IGSF23: variants seen among roughly 807,000 people sequenced by gnomAD.
IGSF23 encodes the protein immunoglobulin superfamily, member 23.
A neutral mutation model predicts 17.8 loss-of-function variants in IGSF23; 14 were observed. The ratio of observed to expected loss-of-function variants is 0.79; its 90% CI spans 0.52 to 1.23. IGSF23 has a LOEUF of 1.23. Among genes scored for constraint, IGSF23 ranks in the 50% most tolerant of loss-of-function variants. The pLI is 0.00. For synonymous variants in IGSF23, 85 were observed against 92.5 expected, an observed-to-expected ratio of 0.92 and a Z score of 0.46; for missense variants, 214 against 241.7, an observed-to-expected ratio of 0.89 and a Z score of 0.76.
At chr19:44,622,268 C>G (rs551786648) in intron 1 of IGSF23, among the ~76,000 whole-genome samples, 1 of 151,988 alleles carries the variant, frequency 6.6e-6, no homozygotes, top group African/African-American at 2.4e-5. Flanking sequence ...TGTTTGTACA[C>G]CTAGTGGGCT....
At chr19:44,614,060 G>A (rs895599159) in intron 1 of IGSF23, 2 of 1,277,866 alleles carry the variant, frequency 1.6e-6, no homozygotes, top group South Asian at 2.5e-5. Flanking sequence ...ACGAGTCCAA[G>A]TCACCCCCAC....
rs144502087 is a variant in IGSF23, at chr19:44,624,474, G to A, written c.391+502G>A. Among the ~76,000 whole-genome samples, 9 of 151,688 alleles carry A rather than the reference G, an allele frequency of 5.9e-5. No homozygotes were observed. In the South Asian group the frequency reaches 6.3e-4, roughly 11 times the overall value. On this transcript the variant is annotated intron_variant, in intron 2 of 4. Transcript: ENST00000402988. ...CTATTTTTGTATTTTTAGGAGAGAC[G>A]GGGTTTCACTGTGTTGTCCAGGCTG... is the stretch of plus-strand genomic sequence containing the variant.
intron 2 of IGSF23, among the ~76,000 whole-genome samples, chr19:44,626,703 C>T (rs1972655654): frequency 1.3e-5 from 2 of 152,002 alleles, no homozygotes; most frequent in South Asian, 4.1e-4. Context: ...TTTGAGACCA[C>T]GCTGGCCAAC....
chr19:44,617,929 C>G (rs1465455768), intron 1 of IGSF23: 1 of 361,506 alleles, frequency 2.8e-6, no homozygotes, highest in Non-Finnish European at 5.5e-6. Context: ...AACAACACAG[C>G]TCAGAGAAGT....
At chr19:44,620,341 T>G (rs3221462) in intron 1 of IGSF23, among the ~76,000 whole-genome samples, 115 of 139,396 alleles carry the variant, frequency 8.2e-4, no homozygotes, top group African/African-American at 3.0e-3. Context: ...ATGACTAATT[T>G]TGTGTGTGTG....
intron 3 of IGSF23, among the ~76,000 whole-genome samples, chr19:44,631,794 C>T (rs530669597): frequency 2.0e-5 from 3 of 152,228 alleles, no homozygotes; most frequent in East Asian, 1.9e-4. Context: ...ATCACTCATG[C>T]GGTTGTTTGT....
Position 44,613,682 on chromosome 19 carries a change from C to T in IGSF23, c.37C>T (p.Pro13Ser). 2 of 1,550,230 alleles carry T rather than the reference C, an allele frequency of 1.3e-6. No individual in the cohort carries two copies. The highest frequency in any genetic ancestry group is 8.7e-7 in the Non-Finnish European group (1 of 1,146,774). Residue 13 changes from proline to serine, a missense_variant, in exon 1 of 5, where the codon CCT (proline) becomes TCT (serine). Transcript: ENST00000402988. ...AKPQSPLPRN[P>S]VPAWSPPTTT... ...ACCTCAGAGCCCCCTTCCCAGGAAC[C>T]CTGTCCCAGCCTGGTCCCCACCCAC...
At chr19:44,635,950 C>G (rs565663514) in intron 4 of IGSF23, among the ~76,000 whole-genome samples, 7 of 152,286 alleles carry the variant, frequency 4.6e-5, no homozygotes, top group Admixed American at 4.6e-4. Flanking sequence ...CTCTGCCAGG[C>G]TCGCTCCTGC....
intron 3 of IGSF23, among the ~76,000 whole-genome samples, chr19:44,633,891 C>T (rs1323733311): frequency 6.6e-6 from 1 of 152,204 alleles, no homozygotes; most frequent in African/African-American, 2.4e-5. Context: ...TGTGCGCTCT[C>T]CTGGCTCTGC....
chr19:44,635,585 T>C, intron 4 of IGSF23, 120 bp downstream of exon 4: 1 of 698,788 alleles, frequency 1.4e-6, no homozygotes, highest in Non-Finnish European at 2.4e-6. Context: ...CTGTGAGATG[T>C]TCCCCTCCTG....
intron 1 of IGSF23, 39 bp from the exon 2 acceptor site, chr19:44,623,668 C>T: frequency 6.5e-7 from 1 of 1,540,748 alleles, no homozygotes; most frequent in South Asian, 1.2e-5. Context: ...TCTGAGTGGA[C>T]TCCACTCTTG....
At chr19:44,615,563 C>T (rs1599726871) in intron 1 of IGSF23, among the ~76,000 whole-genome samples, 3 of 150,574 alleles carry the variant, frequency 2.0e-5, no homozygotes, top group Non-Finnish European at 2.9e-5. Flanking sequence ...GCGGAGGTTG[C>T]GGTTAGCTGA....
At chr19:44,622,451 T>G in intron 1 of IGSF23, among the ~76,000 whole-genome samples, 1 of 152,160 alleles carries the variant, frequency 6.6e-6, no homozygotes. Context: ...GTGTCCCTAC[T>G]AGACCACGAA....
intron 3 of IGSF23, among the ~76,000 whole-genome samples, chr19:44,628,571 G>T (rs1050966513): frequency 3.3e-5 from 5 of 152,024 alleles, no homozygotes; most frequent in African/African-American, 4.8e-5. Context: ...AACATGACAA[G>T]ACATCTTGTC....
At chr19:44,625,035 C>A (rs1599737519) in intron 2 of IGSF23, among the ~76,000 whole-genome samples, 1 of 152,010 alleles carries the variant, frequency 6.6e-6, no homozygotes, top group South Asian at 2.1e-4. Flanking sequence ...CCACTGCACA[C>A]CAGCCTGAGT....
At chr19:44,633,624 A>G (rs547017418) in intron 3 of IGSF23, among the ~76,000 whole-genome samples, 2 of 152,292 alleles carry the variant, frequency 1.3e-5, no homozygotes, top group Non-Finnish European at 2.9e-5. Flanking sequence ...ACCAACTCCA[A>G]CTATGTTAAA....
Position 44,629,632 on chromosome 19 carries a change from C to CTTTTTTTT in IGSF23, c.545+2072_545+2079dup, listed in dbSNP as rs11344283. On this transcript the variant is annotated intron_variant, in intron 3 of 4. Transcript: ENST00000402988. ...GTATTGAGCACCTATTATATGCTTT[C>CTTTTTTTT]TTTTTTTTTTTTTTTTTTTTGAGAC... Among the ~76,000 whole-genome samples the CTTTTTTTT allele has an allele frequency of 4.4e-5, 5 of 114,124 alleles. 2 individuals are homozygous for CTTTTTTTT. Among genetic ancestry groups the CTTTTTTTT allele is most frequent in the Non-Finnish European group, 5.2e-5 (3 of 57,616 alleles). 74.9% of individuals were successfully genotyped at this position (114,124 alleles called of 152,430 possible). A position where few individuals can be genotyped will look rare whatever the true frequency, so the allele number is the denominator to read the frequency against.
chr19:44,623,603 T>C (rs846856), intron 1 of IGSF23, 104 bp from the exon 2 acceptor site: 385,596 of 1,160,118 alleles, frequency 0.33, 64,859 homozygotes, highest in Middle Eastern at 0.34. Flanking sequence ...AATGAATGAA[T>C]GAACACATGA....
intron 3 of IGSF23, among the ~76,000 whole-genome samples, chr19:44,631,792 T>C (rs1218170317): frequency 6.6e-6 from 1 of 152,252 alleles, no homozygotes; most frequent in Non-Finnish European, 1.5e-5. Context: ...AGATCACTCA[T>C]GCGGTTGTTT....
Sources: gnomAD v4.1 joint callset for allele counts (sites outside exome capture counted in the v4.1 genomes callset) on GRCh38, gnomAD v4.1.1 for gene constraint, MANE v1.5 for transcripts, NCBI Gene and HGNC (gene_info 2026-07-23, HGNC 2026-07-21) for gene names.